The following DYNC2I1 variants were observed in gnomAD, a reference collection of about 807,000 sequenced individuals.
DYNC2I1 encodes the protein dynein 2 intermediate chain 1.
Under a neutral mutation model 133.4 loss-of-function variants are expected in DYNC2I1, and 89 were observed. The observed-to-expected ratio is 0.67, with a 90% CI of 0.56 to 0.80. DYNC2I1 has a LOEUF of 0.80. Ranked by LOEUF, DYNC2I1 falls within the 30% of genes least tolerant of loss-of-function variation. The probability of loss-of-function intolerance (pLI) is 0.00; values close to 1 mark genes in which losing one functional copy is unlikely to be tolerated. For missense variants in DYNC2I1, 1,291 were observed against 1,314.5 expected (o/e 0.98, Z 0.28); for synonymous variants, 504 against 484.3 (o/e 1.04, Z -0.54).
At chr7:158,947,635 T>C (rs1010038233), downstream of DYNC2I1, among the ~76,000 whole-genome samples, 1 of 152,152 alleles carries the variant, frequency 6.6e-6, no homozygotes, top group Non-Finnish European at 1.5e-5. Flanking sequence ...TGCTGCTCCT[T>C]TAGGGGGAGC....
Sources: allele counts gnomAD v4.1 joint callset (sites outside exome capture counted in the v4.1 genomes callset), GRCh38; gene constraint gnomAD v4.1.1; transcripts MANE v1.5; gene names NCBI Gene and HGNC (gene_info 2026-07-23, HGNC 2026-07-21).